The following DMD variants were observed in gnomAD, a reference collection of about 807,000 sequenced individuals.
DMD encodes dystrophin.
In DMD, 63 loss-of-function variants were observed where a neutral mutation model predicts 330.1. The observed-to-expected ratio is 0.19, with a 90% confidence interval of 0.16 to 0.24. The LOEUF (loss-of-function observed/expected upper bound fraction) is 0.24, where lower values mean the gene tolerates loss of function less well. Ranked by LOEUF, DMD falls within the 10% of genes least tolerant of loss-of-function variation. The pLI is 1.00. For synonymous variants in DMD, 1,223 were observed against 959.8 expected, an observed-to-expected ratio of 1.27 and a Z score of -5.07; for missense variants, 3,344 against 2,684.1, an observed-to-expected ratio of 1.25 and a Z score of -5.43.
intron 52 of DMD, among the ~76,000 whole-genome samples, chrX:31,682,807 T>C (rs2082457135): frequency 8.9e-6 from 1 of 112,538 alleles, no homozygotes; most frequent in Non-Finnish European, 1.9e-5. Flanking sequence ...CAAGCTCTTT[T>C]GATTCATGCC....
rs754997935 is a variant in DMD at position 31,658,103 on chromosome X, A to T, written c.7914T>A (p.Asp2638Glu). 8.3e-7 allele frequency: 1 copy of T among 1,211,976 alleles called. No homozygotes were observed. The highest frequency in any genetic ancestry group is 3.0e-5 in the East Asian group (1 of 33,872). Residue 2638 changes from aspartate (D) to glutamate (E), a missense_variant, in exon 54 of 79, where the codon GAT (aspartate) becomes GAA (glutamate). Physicochemically the swap from Asp to Glu is conservative, Grantham distance 45 (BLOSUM62 2). Transcript: ENST00000357033. Reference protein sequence around the residue: ...KDLRQWQTNVDVANDLALKLL... With the variant: ...KDLRQWQTNVEVANDLALKLL... ...GTTTCAGGGCCAAGTCATTTGCCACATCTACATTTGTCTGCCACTGGCGGA... is the reference window on the plus strand; with the variant it reads ...GTTTCAGGGCCAAGTCATTTGCCACTTCTACATTTGTCTGCCACTGGCGGA...
At chrX:31,524,953 T>C (rs897534398) in intron 55 of DMD, among the ~76,000 whole-genome samples, 5 of 112,337 alleles carry the variant, frequency 4.5e-5, no homozygotes. Context: ...GAGTAGTCAA[T>C]GTTTGAAACC....
intron 44 of DMD, among the ~76,000 whole-genome samples, chrX:32,087,108 T>G (rs1311772501): frequency 1.8e-5 from 2 of 111,714 alleles, no homozygotes; most frequent in Non-Finnish European, 3.8e-5. Context: ...AAGAGTATAA[T>G]GTAAAATAAA....
At chrX:33,335,283 C>A (rs139569192) in intron 1 of DMD, among the ~76,000 whole-genome samples, 5,959 of 108,412 alleles carry the variant, frequency 0.055, 208 homozygotes, top group Middle Eastern at 0.12. Flanking sequence ...TATACACACA[C>A]ACACCATTAT....
At chrX:31,270,502 A>C (rs1298879290) in intron 62 of DMD, among the ~76,000 whole-genome samples, 1 of 112,294 alleles carries the variant, frequency 8.9e-6, no homozygotes, top group Non-Finnish European at 1.9e-5. Context: ...AAGGCATATC[A>C]ACAATTATGA....
chrX:32,513,425 T>C (rs915778735), intron 18 of DMD, among the ~76,000 whole-genome samples: 1 of 112,482 alleles, frequency 8.9e-6, no homozygotes, highest in African/African-American at 3.2e-5. Context: ...TCATCTTAAA[T>C]AGAAGTAAGC....
chrX:33,054,225 G>A (rs1053766033), intron 1 of DMD, among the ~76,000 whole-genome samples: 1 of 111,747 alleles, frequency 8.9e-6, no homozygotes, highest in Non-Finnish European at 1.9e-5. Flanking sequence ...TATTTCAAAC[G>A]TGCAAAATAT....
chrX:32,758,417 G>C (rs1057459806), intron 7 of DMD, among the ~76,000 whole-genome samples: 1 of 111,313 alleles, frequency 9.0e-6, no homozygotes, highest in African/African-American at 3.3e-5. Flanking sequence ...ATGCCATTTT[G>C]GTACCTCTCT....
At chrX:31,183,785 C>A (rs1287786000) in intron 67 of DMD, among the ~76,000 whole-genome samples, 4 of 110,375 alleles carry the variant, frequency 3.6e-5, no homozygotes, top group African/African-American at 1.3e-4. Flanking sequence ...TTAGTTCTGC[C>A]TGAAATATGT....
intron 63 of DMD, among the ~76,000 whole-genome samples, chrX:31,241,227 C>G (rs2048248458): frequency 8.9e-6 from 1 of 111,789 alleles, no homozygotes; most frequent in African/African-American, 3.2e-5. Context: ...CCACTGTCCC[C>G]TCTCAGGAAG....
Position 31,676,215 on chromosome X carries a change from G to C in DMD, c.7872+3160C>G, listed in dbSNP as rs190944792. On this transcript the variant is annotated intron_variant, in intron 53 of 78. Transcript: ENST00000357033. Reference sequence around the variant, plus strand: ...ACTCAGAAAGAACTTACGGAGCAAGGGGGTGTTGCTTTAGCCATTTAATGT... The same window carrying C: ...ACTCAGAAAGAACTTACGGAGCAAGCGGGTGTTGCTTTAGCCATTTAATGT... 1.2e-3 allele frequency among the ~76,000 whole-genome samples: 135 copies of C among 111,930 alleles called. 1 individual carries two copies. The highest frequency in any genetic ancestry group is 1.2e-3 in the Non-Finnish European group (66 of 53,202).
At chrX:32,618,684 G>A (rs765858361) in intron 11 of DMD, among the ~76,000 whole-genome samples, 13 of 111,030 alleles carry the variant, frequency 1.2e-4, no homozygotes, top group African/African-American at 4.2e-4. Flanking sequence ...AGTAATTAAC[G>A]ATATCTTTGT....
intron 44 of DMD, among the ~76,000 whole-genome samples, chrX:32,143,196 T>G (rs2096761786): frequency 9.0e-6 from 1 of 111,630 alleles, no homozygotes; most frequent in African/African-American, 3.3e-5. Context: ...TTGAATGGAA[T>G]TAAATGCCAT....
At chrX:32,947,907 A>C (rs1226237895) in intron 2 of DMD, among the ~76,000 whole-genome samples, 1 of 111,312 alleles carries the variant, frequency 9.0e-6, no homozygotes, top group Non-Finnish European at 1.9e-5. Flanking sequence ...AAGCTATTTG[A>C]GGTACAACAG....
intron 1 of DMD, among the ~76,000 whole-genome samples, chrX:33,038,635 T>C (rs1042044724): frequency 1.1e-4 from 12 of 111,671 alleles, no homozygotes; most frequent in Non-Finnish European, 1.9e-4. Context: ...AGGAATGTAA[T>C]TGAGTATGAA....
intron 67 of DMD, among the ~76,000 whole-genome samples, chrX:31,198,723 A>C (rs1351850373): frequency 8.9e-6 from 1 of 111,886 alleles, no homozygotes; most frequent in Non-Finnish European, 1.9e-5. Context: ...TCTTACGTTG[A>C]TCTTATGGGA....
At chrX:32,267,178 A>G (rs1294190601) in intron 43 of DMD, among the ~76,000 whole-genome samples, 1 of 111,975 alleles carries the variant, frequency 8.9e-6, no homozygotes, top group Non-Finnish European at 1.9e-5. Flanking sequence ...TTTTCACTTA[A>G]CTTCACTTAT....
intron 41 of DMD, among the ~76,000 whole-genome samples, chrX:32,328,858 C>A (rs751308075): frequency 2.5e-4 from 28 of 111,682 alleles, no homozygotes; most frequent in Non-Finnish European, 1.9e-4. Context: ...CATTAAAAAA[C>A]TTTGCTTTAT....
At chrX:33,135,526 A>C (rs746956730) in intron 1 of DMD, among the ~76,000 whole-genome samples, 3 of 112,483 alleles carry the variant, frequency 2.7e-5, no homozygotes, top group South Asian at 3.6e-4. Flanking sequence ...TAAAAAAATC[A>C]CATTCTTATG....
Sources: allele counts gnomAD v4.1 joint callset (sites outside exome capture counted in the v4.1 genomes callset), GRCh38; gene constraint gnomAD v4.1.1; transcripts MANE v1.5; gene names NCBI Gene and HGNC (gene_info 2026-07-23, HGNC 2026-07-21).